The following TACR1 variants were observed in gnomAD, a reference collection of about 807,000 sequenced individuals.
The protein encoded by TACR1 is tachykinin receptor 1, also known as substance-P receptor.
Under a neutral mutation model 35.8 loss-of-function variants are expected in TACR1, and 25 were observed. That is an observed-to-expected ratio of 0.70 (90% confidence interval 0.51 to 0.98). The LOEUF (loss-of-function observed/expected upper bound fraction) is 0.98. Among genes scored for constraint, TACR1 ranks in the 50% least tolerant of loss-of-function variants. The pLI, the probability that TACR1 is intolerant of heterozygous loss-of-function variation, is 0.00. For missense variants in TACR1, 478 were observed against 522.9 expected (o/e 0.91, Z 0.84); for synonymous variants, 195 against 206.7 (o/e 0.94, Z 0.48).
At chr2:75,088,216 A>C (rs1355481579) in intron 2 of TACR1, among the ~76,000 whole-genome samples, 4 of 152,156 alleles carry the variant, frequency 2.6e-5, no homozygotes, top group Non-Finnish European at 4.4e-5. Flanking sequence ...ACCCTGCTCC[A>C]GCCACATTGG....
intron 1 of TACR1, among the ~76,000 whole-genome samples, chr2:75,153,059 G>A (rs925101727): frequency 1.3e-5 from 2 of 152,176 alleles, no homozygotes; most frequent in East Asian, 1.9e-4. Context: ...GCACCACCAC[G>A]CCTGGCTAAT....
intron 1 of TACR1, among the ~76,000 whole-genome samples, chr2:75,165,062 G>A (rs377176590): frequency 1.3e-5 from 2 of 152,144 alleles, no homozygotes; most frequent in African/African-American, 4.8e-5. Context: ...TCAACCACCT[G>A]AGCATCCATG....
At position 75,048,991 on chromosome 2, in the gene TACR1, T is replaced by C. The variant is rs1573454332; in HGVS notation, c.*441A>G. 1 of 164,244 alleles carries C rather than the reference T, an allele frequency of 6.1e-6. No individual in the cohort carries two copies. The highest frequency in any genetic ancestry group is 1.8e-4 in the East Asian group (1 of 5,630). The allele number at this position is 164,244 out of a possible 1,614,324, so 10.2% of individuals were successfully genotyped here. A position where few individuals can be genotyped will look rare whatever the true frequency, so the allele number is the denominator to read the frequency against. On this transcript the variant is annotated 3_prime_UTR_variant, in exon 5 of 5. Transcript: ENST00000305249. ...TTTGTTCACCCTGTCAAGCGTAGGC[T>C]GGGGTGATAGGAGCCTCCAGCTGCA...
chr2:75,187,481 C>T (rs1180216490), intron 1 of TACR1: 1 of 152,202 alleles, frequency 6.6e-6, no homozygotes, highest in East Asian at 1.9e-4. Flanking sequence ...CTCTTACATT[C>T]CACATTGGCA....
chr2:75,089,764 T>A (rs1572923318), intron 2 of TACR1, among the ~76,000 whole-genome samples: 1 of 152,126 alleles, frequency 6.6e-6, no homozygotes, highest in South Asian at 2.1e-4. Context: ...AAATTCTTAA[T>A]GTAGACACTG....
At position 75,074,604 on chromosome 2, in the gene TACR1, A is replaced by T. The variant is rs1435347014; in HGVS notation, c.585-20849T>A. 3.9e-5 allele frequency among the ~76,000 whole-genome samples: 6 copies of T among 152,174 alleles called. No individual in the cohort carries two copies. In the East Asian group the frequency reaches 1.2e-3, roughly 29 times the overall value. On this transcript the variant is annotated intron_variant, in intron 2 of 4. Coordinates refer to ENST00000305249, the MANE Select transcript of TACR1 (RefSeq NM_001058.4). Reference sequence around the variant, plus strand: ...GGAATACACTATAATAAAAAGTAATATGACCCAGATTTTTCTTTTAAAGTG... The same window carrying T: ...GGAATACACTATAATAAAAAGTAATTTGACCCAGATTTTTCTTTTAAAGTG...
At chr2:75,055,668 G>A (rs904435358) in intron 2 of TACR1, among the ~76,000 whole-genome samples, 4 of 152,212 alleles carry the variant, frequency 2.6e-5, no homozygotes, top group Non-Finnish European at 5.9e-5. Flanking sequence ...TTGCTACAGG[G>A]CACTGAGCAA....
At chr2:75,182,572 G>A (rs1260704057) in intron 1 of TACR1, among the ~76,000 whole-genome samples, 5 of 152,192 alleles carry the variant, frequency 3.3e-5, no homozygotes, top group African/African-American at 9.7e-5. Flanking sequence ...GGAGCTGAAA[G>A]ATTGTTATTG....
At chr2:75,159,892 A>G (rs189139307) in intron 1 of TACR1, among the ~76,000 whole-genome samples, 34 of 152,318 alleles carry the variant, frequency 2.2e-4, no homozygotes, top group African/African-American at 7.7e-4. Context: ...CTACATGTCA[A>G]TAGAGGTACC....
In TACR1 at chr2:75,191,810, A is replaced by G. The variant is rs1326557116; in HGVS notation, c.389+6736T>C. 2.0e-5 allele frequency among the ~76,000 whole-genome samples: 3 copies of G among 152,168 alleles called. No individual in the cohort carries two copies. The East Asian group carries it at 5.8e-4, about 29-fold the overall frequency. On this transcript the variant is annotated intron_variant, in intron 1 of 4. Coordinates refer to ENST00000305249, the MANE Select transcript of TACR1 (RefSeq NM_001058.4). The stretch of plus-strand genomic sequence containing the variant: ...TTTTGGCTGATGTGTGCAGAAGAGA[A>G]GCATGGTCAGTTTGCTCATGACGCA...
chr2:75,132,396 C>T (rs1674194969), intron 1 of TACR1, among the ~76,000 whole-genome samples: 1 of 152,070 alleles, frequency 6.6e-6, no homozygotes, highest in African/African-American at 2.4e-5. Flanking sequence ...CTATTAGATT[C>T]GTCCACTGAG....
Position 75,057,955 on chromosome 2 carries a change from T to A in TACR1, c.585-4200A>T, listed in dbSNP as rs968031962. ...TAAGAAAAATTCAGCTAAGCTGGCA[T>A]TCTAGGTTTCCAGATTCGCAGTCTT... is the stretch of plus-strand genomic sequence containing the variant. On this transcript the variant is annotated intron_variant, in intron 2 of 4. Coordinates refer to ENST00000305249, the MANE Select transcript of TACR1 (RefSeq NM_001058.4). 3.9e-5 allele frequency among the ~76,000 whole-genome samples: 6 copies of A among 152,232 alleles called. 1 individual carries two copies. The highest frequency in any genetic ancestry group is 1.3e-4 in the Admixed American group (2 of 15,288).
intron 1 of TACR1, among the ~76,000 whole-genome samples, chr2:75,139,369 G>C (rs1674357063): frequency 2.0e-5 from 3 of 152,232 alleles, no homozygotes. Context: ...GCTAGGATCA[G>C]AGATCAGACA....
At chr2:75,052,389 T>C (rs1226235029) in intron 3 of TACR1, among the ~76,000 whole-genome samples, 2 of 152,168 alleles carry the variant, frequency 1.3e-5, no homozygotes, top group Admixed American at 1.3e-4. Flanking sequence ...AATTTCTATT[T>C]TTTATAAGCT....
At chr2:75,191,428 G>T (rs1675844913) in intron 1 of TACR1, among the ~76,000 whole-genome samples, 1 of 152,060 alleles carries the variant, frequency 6.6e-6, no homozygotes, top group Non-Finnish European at 1.5e-5. Context: ...GATGGAGGAG[G>T]TGCTTATCAT....
At chr2:75,147,813 G>A (rs1337639095) in intron 1 of TACR1, among the ~76,000 whole-genome samples, 1 of 149,732 alleles carries the variant, frequency 6.7e-6, no homozygotes, top group Non-Finnish European at 1.5e-5. Flanking sequence ...GTGCAATCTT[G>A]GCTCACTGCA....
chr2:75,068,303 A>G (rs956457762), intron 2 of TACR1, among the ~76,000 whole-genome samples: 3 of 152,308 alleles, frequency 2.0e-5, no homozygotes, highest in African/African-American at 7.2e-5. Context: ...AACTGATTGC[A>G]TGAGGGTCCC....
chr2:75,050,808 G>A (rs571375569), intron 4 of TACR1, among the ~76,000 whole-genome samples: 1 of 152,340 alleles, frequency 6.6e-6, no homozygotes, highest in African/African-American at 2.4e-5. Flanking sequence ...CAGAGAGGGC[G>A]AATGTGCTCT....
intron 1 of TACR1, among the ~76,000 whole-genome samples, chr2:75,130,910 A>C (rs752397402): frequency 1.3e-5 from 2 of 152,228 alleles, no homozygotes; most frequent in Non-Finnish European, 2.9e-5. Flanking sequence ...TTCTAAATTA[A>C]CTTCACTCTT....
Sources: gnomAD v4.1 joint callset for allele counts (sites outside exome capture counted in the v4.1 genomes callset) on GRCh38, gnomAD v4.1.1 for gene constraint, MANE v1.5 for transcripts, NCBI Gene and HGNC (gene_info 2026-07-23, HGNC 2026-07-21) for gene names.